Variants in TRAF3IP1 observed in about 807,000 individuals in gnomAD.
The protein encoded by TRAF3IP1 is TRAF3-interacting protein 1.
In TRAF3IP1, 53 loss-of-function variants were observed where a neutral mutation model predicts 89.9. The ratio of observed to expected loss-of-function variants is 0.59; its 90% CI spans 0.47 to 0.74. The LOEUF is 0.74. TRAF3IP1 is among the 30% of genes least tolerant of loss of function. The pLI is 0.00. For synonymous variants in TRAF3IP1, 311 were observed against 322.1 expected (o/e 0.97, Z 0.37); for missense variants, 806 against 866.1 (o/e 0.93, Z 0.87).
In TRAF3IP1 at chr2:238,329,179, GAA is replaced by G; in HGVS notation, c.754_755del (p.Lys252GlufsTer2). 6.4e-7 allele frequency: 1 copy of G among 1,564,750 alleles called. No homozygotes were observed. The highest frequency in any genetic ancestry group is 2.3e-5 in the East Asian group (1 of 43,648). ...TCCGAGCGCAAGAAGGAGACAGAGA[GAA>G]AGAGTGAGGGGGGGAAAGAGAAGGA... is the stretch of plus-strand genomic sequence containing the variant. On this transcript the variant is annotated frameshift_variant, in exon 5 of 17. Transcript: ENST00000373327. LOFTEE classifies it high-confidence loss of function.
chr2:238,334,472 CG>C (rs1163298929), intron 7 of TRAF3IP1, among the ~76,000 whole-genome samples: 6 of 152,070 alleles, frequency 3.9e-5, no homozygotes, highest in African/African-American at 1.4e-4. Flanking sequence ...TGCTAAAAGC[CG>C]AATGTACAGG....
Position 238,352,959 on chromosome 2 carries a change from A to T in TRAF3IP1, c.1575+9A>T. ...TGTCAGAAATTGAAATGGTTAGTTA[A>T]CCGAAATATGATGTTTTTTAATAAT... On this transcript the variant is annotated intron_variant, in intron 13 of 16. Coordinates refer to ENST00000373327, the MANE Select transcript of TRAF3IP1 (RefSeq NM_015650.4). 6.2e-7 allele frequency: 1 copy of T among 1,604,152 alleles called. No homozygotes were observed. The highest frequency in any genetic ancestry group is 8.5e-7 in the Non-Finnish European group (1 of 1,176,900).
chr2:238,332,716 G>A, intron 5 of TRAF3IP1, 108 bp from the exon 6 acceptor site: 2 of 811,048 alleles, frequency 2.5e-6, no homozygotes, highest in Non-Finnish European at 2.0e-6. Flanking sequence ...GTTCTCATGG[G>A]AAGAATGATT....
chr2:238,395,537 C>T (rs1210993702), intron 15 of TRAF3IP1, among the ~76,000 whole-genome samples: 1 of 152,132 alleles, frequency 6.6e-6, no homozygotes, highest in Non-Finnish European at 1.5e-5. Context: ...CAAATGGGAT[C>T]TAATTAAACT....
chr2:238,348,965 A>G, intron 11 of TRAF3IP1, 117 bp downstream of exon 11: 1 of 842,558 alleles, frequency 1.2e-6, no homozygotes, highest in Non-Finnish European at 1.9e-6. Context: ...ATGAGGAATT[A>G]CTTATACAAA....
intron 15 of TRAF3IP1, among the ~76,000 whole-genome samples, chr2:238,382,256 C>T (rs916118401): frequency 1.3e-5 from 2 of 152,120 alleles, no homozygotes; most frequent in Non-Finnish European, 2.9e-5. Context: ...AGTATGCAGA[C>T]AGGAAGGCAC....
chr2:238,333,190 G>A (rs1698213346), intron 6 of TRAF3IP1, among the ~76,000 whole-genome samples: 1 of 152,174 alleles, frequency 6.6e-6, no homozygotes, highest in Admixed American at 6.5e-5. Flanking sequence ...TGGGGAGAAG[G>A]GGGAGGTGGC....
At position 238,348,569 on chromosome 2, in the gene TRAF3IP1, C is replaced by T. The variant is rs1344977; in HGVS notation, c.1283-195C>T. On this transcript the variant is annotated intron_variant, in intron 10 of 16. Transcript: ENST00000373327. The stretch of plus-strand genomic sequence containing the variant: ...TTTGAGTGTGCCCATTTTCCCAAAT[C>T]TTCACTGAGTTTAGATATCAGACAT... 0.24 allele frequency among the ~76,000 whole-genome samples: 37,159 copies of T among 152,116 alleles called. 5,469 individuals are homozygous for T. Among genetic ancestry groups the T allele is most frequent in the Middle Eastern group, 0.43 (127 of 294 alleles).
intron 12 of TRAF3IP1, among the ~76,000 whole-genome samples, chr2:238,352,278 G>A (rs1160774743): frequency 2.0e-5 from 3 of 152,060 alleles, no homozygotes; most frequent in African/African-American, 2.4e-5. Context: ...CAGTGTGTAC[G>A]TGGTGCTGAG....
intron 15 of TRAF3IP1, among the ~76,000 whole-genome samples, chr2:238,396,164 T>C (rs896867884): frequency 1.3e-5 from 2 of 151,958 alleles, no homozygotes; most frequent in Non-Finnish European, 2.9e-5. Flanking sequence ...ATTAAGAAAA[T>C]GTGGCATATA....
chr2:238,397,501 A>T lies in TRAF3IP1; in HGVS notation c.1732A>T (p.Ile578Phe), dbSNP rs1272846490. The T allele has an allele frequency of 6.2e-7, 1 of 1,613,086 alleles. No homozygotes were observed. Among genetic ancestry groups the T allele is most frequent in the East Asian group, 2.2e-5 (1 of 44,878 alleles). ...GTCGGCATGGAAGAAGGAGAAGGACATCGTTTCCAAGGAGATAGAGAAGCT... is the reference window on the plus strand; with the variant it reads ...GTCGGCATGGAAGAAGGAGAAGGACTTCGTTTCCAAGGAGATAGAGAAGCT... The part of the protein sequence containing the change: ...FESAWKKEKD[I>F]VSKEIEKLRT... Residue 578 changes from isoleucine (I) to phenylalanine (F), a missense_variant, in exon 16 of 17, where the codon ATC (isoleucine) becomes TTC (phenylalanine). By Grantham distance (21) the Ile-to-Phe change is conservative. Coordinates refer to ENST00000373327, the MANE Select transcript of TRAF3IP1 (RefSeq NM_015650.4).
intron 15 of TRAF3IP1, among the ~76,000 whole-genome samples, chr2:238,385,316 T>C (rs1700724531): frequency 6.6e-6 from 1 of 152,176 alleles, no homozygotes; most frequent in Non-Finnish European, 1.5e-5. Context: ...GCGCCTGGCC[T>C]GTAGCATCGT....
Position 238,325,860 on chromosome 2 carries a change from A to T in TRAF3IP1, c.244A>T (p.Met82Leu). 6.2e-7 allele frequency: 1 copy of T among 1,614,238 alleles called. No homozygotes were observed. Among genetic ancestry groups the T allele is most frequent in the Non-Finnish European group, 8.5e-7 (1 of 1,180,036 alleles). Residue 82 changes from methionine to leucine, a missense_variant, in exon 3 of 17, where the codon ATG becomes TTG. By Grantham distance (15) the Met-to-Leu change is conservative. Transcript: ENST00000373327. ...FLQKAIDVVV[M>L]VSGEPLLAKP... Reference sequence around the variant, plus strand: ...ACAAAAGGCCATAGACGTGGTTGTAATGGTGTCGGGAGAGCCACTGTTGGC... The same window carrying T: ...ACAAAAGGCCATAGACGTGGTTGTATTGGTGTCGGGAGAGCCACTGTTGGC...
chr2:238,376,483 G>A (rs1332467042), intron 15 of TRAF3IP1, among the ~76,000 whole-genome samples: 1 of 152,066 alleles, frequency 6.6e-6, no homozygotes, highest in East Asian at 1.9e-4. Context: ...GGCAATTATT[G>A]GTCTTGTCCA....
intron 15 of TRAF3IP1, among the ~76,000 whole-genome samples, chr2:238,374,031 C>T (rs1700217045): frequency 6.6e-6 from 1 of 152,208 alleles, no homozygotes. Context: ...ATATTTTGGG[C>T]TGAGACAATG....
intron 15 of TRAF3IP1, among the ~76,000 whole-genome samples, chr2:238,388,105 G>A (rs1298151777): frequency 6.6e-6 from 1 of 152,006 alleles, no homozygotes; most frequent in Non-Finnish European, 1.5e-5. Flanking sequence ...CGGGTCCGGT[G>A]GCTTATGCCT....
At chr2:238,322,478 C>A (rs1697600501) in intron 1 of TRAF3IP1, among the ~76,000 whole-genome samples, 1 of 152,084 alleles carries the variant, frequency 6.6e-6, no homozygotes, top group Admixed American at 6.5e-5. Flanking sequence ...CACTTGAGCC[C>A]AGATGTTCAA....
intron 5 of TRAF3IP1, among the ~76,000 whole-genome samples, 200 bp downstream of exon 5, chr2:238,329,542 C>T (rs991266708): frequency 6.6e-6 from 1 of 152,100 alleles, no homozygotes; most frequent in Non-Finnish European, 1.5e-5. Flanking sequence ...TTTTTTTGTT[C>T]ATCCCCTAAT....
intron 15 of TRAF3IP1, among the ~76,000 whole-genome samples, chr2:238,383,548 C>G (rs1421181525): frequency 6.6e-6 from 1 of 152,158 alleles, no homozygotes. Context: ...CAGGCTTTTG[C>G]TATAATTAGA....
Sources: gnomAD v4.1 joint callset for allele counts (sites outside exome capture counted in the v4.1 genomes callset) on GRCh38, gnomAD v4.1.1 for gene constraint, MANE v1.5 for transcripts, NCBI Gene and HGNC (gene_info 2026-07-23, HGNC 2026-07-21) for gene names.